Variants in KIF5B observed in about 807,000 individuals in gnomAD.
KIF5B encodes kinesin-1 heavy chain.
A neutral mutation model predicts 132.8 loss-of-function variants in KIF5B; 49 were observed. The ratio of observed to expected loss-of-function variants is 0.37; its 90% CI spans 0.29 to 0.47. KIF5B has a LOEUF of 0.47. KIF5B is among the 20% of genes least tolerant of loss of function. The pLI is 1.00. For synonymous variants in KIF5B, 355 were observed against 369.4 expected (o/e 0.96, Z 0.45); for missense variants, 780 against 1,144.0 (o/e 0.68, Z 4.59).
intron 19 of KIF5B, 73 bp from the exon 20 acceptor site, chr10:32,020,032 A>C: frequency 9.7e-7 from 1 of 1,027,446 alleles, no homozygotes; most frequent in Non-Finnish European, 1.5e-6. Context: ...AAAATTTCCA[A>C]ACTTTTAAAT....
chr10:32,056,398 A>G lies in KIF5B; in HGVS notation c.-425T>C, dbSNP rs1841765921. ...CCGCTGGCCGGCCGACTGCTGCCCG[A>G]TCACTCCTGAGGCCGCCGTTGGGCG... On this transcript the variant is annotated 5_prime_UTR_variant, in exon 1 of 26. Transcript: ENST00000302418. 4.6e-6 allele frequency: 1 copy of G among 219,750 alleles called. No homozygotes were observed. The highest frequency in any genetic ancestry group is 5.2e-5 in the South Asian group (1 of 19,258). The allele number at this position is 219,750 out of a possible 1,614,324, so 13.6% of individuals were successfully genotyped here. A position where few individuals can be genotyped will look rare whatever the true frequency, so the allele number is the denominator to read the frequency against.
Position 32,011,308 on chromosome 10 carries a change from T to C in KIF5B, c.*229A>G, listed in dbSNP as rs1841076637. 1 of 152,580 alleles carries C rather than the reference T, an allele frequency of 6.6e-6. No homozygotes were observed. Among genetic ancestry groups the C allele is most frequent in the South Asian group, 2.1e-4 (1 of 4,828 alleles). 9.5% of individuals were successfully genotyped at this position (152,580 alleles called of 1,614,324 possible). A position where few individuals can be genotyped will look rare whatever the true frequency, so the allele number is the denominator to read the frequency against. On this transcript the variant is annotated 3_prime_UTR_variant, in exon 26 of 26. Transcript: ENST00000302418. Reference sequence around the variant, plus strand: ...ACAGTTGTAAACTGTCCTTTTTCCCTCCTAAGATGCCAAAATTGCACTCTA... The same window carrying C: ...ACAGTTGTAAACTGTCCTTTTTCCCCCCTAAGATGCCAAAATTGCACTCTA...
At position 32,034,829 on chromosome 10, in the gene KIF5B, T is replaced by A. The variant is rs35938443; in HGVS notation, c.972A>T (p.Thr324=). Residue 324 remains threonine (T), a synonymous_variant, in exon 11 of 26, where the codon ACA becomes ACT. Transcript: ENST00000302418. ...STLLFGQRAK[T]IKNTVCVNVE... ...CATTGACACAAACTGTGTTCTTAATTGTTTTGGCCCTAAGAGATGTAATTG... is the reference window on the plus strand; with the variant it reads ...CATTGACACAAACTGTGTTCTTAATAGTTTTGGCCCTAAGAGATGTAATTG... 3,765 of 1,588,920 alleles carry A rather than the reference T, an allele frequency of 2.4e-3. 73 individuals are homozygous for A. In the African/African-American group the frequency reaches 0.042, roughly 18 times the overall value.
intron 25 of KIF5B, 87 bp downstream of exon 25, chr10:32,015,421 TA>T: frequency 1.0e-6 from 1 of 963,594 alleles, no homozygotes; most frequent in Non-Finnish European, 1.5e-6. Flanking sequence ...ATCATAACAC[TA>T]ATGTGAGAAT....
At chr10:32,017,825 A>G (rs1164853824) in intron 23 of KIF5B, among the ~76,000 whole-genome samples, 9 of 152,224 alleles carry the variant, frequency 5.9e-5, no homozygotes, top group Non-Finnish European at 1.2e-4. Context: ...TTAAAATCCT[A>G]AAGGGAAAAT....
chr10:32,011,687 A>T (rs1485352622), intron 25 of KIF5B, among the ~76,000 whole-genome samples, 171 bp from the exon 26 acceptor site: 1 of 152,186 alleles, frequency 6.6e-6, no homozygotes, highest in African/African-American at 2.4e-5. Flanking sequence ...ATATTAAATG[A>T]TTTGGTTTCC....
chr10:32,015,463 C>T, intron 25 of KIF5B, 46 bp downstream of exon 25: 1 of 1,407,232 alleles, frequency 7.1e-7, no homozygotes, highest in Non-Finnish European at 9.5e-7. Flanking sequence ...ATTTAACAAC[C>T]AATTTTCCAC....
intron 25 of KIF5B, among the ~76,000 whole-genome samples, chr10:32,014,039 C>G (rs1191591525): frequency 6.6e-6 from 1 of 152,108 alleles, no homozygotes; most frequent in Non-Finnish European, 1.5e-5. Flanking sequence ...TAGTATTTGT[C>G]AGAAACAGCT....
chr10:32,018,708 T>C (rs1841214120), intron 20 of KIF5B, 146 bp from the exon 21 acceptor site: 1 of 650,434 alleles, frequency 1.5e-6, no homozygotes, highest in Non-Finnish European at 2.5e-6. Context: ...ACAATTTACC[T>C]GTGCTGTCTT....
intron 3 of KIF5B, 47 bp from the exon 4 acceptor site, chr10:32,039,478 G>T: frequency 3.5e-6 from 3 of 867,458 alleles, no homozygotes; most frequent in Non-Finnish European, 5.5e-6. Context: ...TATAAAATAT[G>T]AAGTAAAAAC....
At position 32,019,964 on chromosome 10, in the gene KIF5B, C is replaced by A. The variant is rs372917957; in HGVS notation, c.2205-5G>T. On this transcript the variant is annotated splice_polypyrimidine_tract_variant and splice_region_variant and intron_variant, in intron 19 of 25. Coordinates refer to ENST00000302418, the MANE Select transcript of KIF5B (RefSeq NM_004521.3). ...AACATCATTTTCTGGTTTTGGCTGACGAAAGAAAAAAATAATTAACACAGT... is the reference window on the plus strand; with the variant it reads ...AACATCATTTTCTGGTTTTGGCTGAAGAAAGAAAAAAATAATTAACACAGT... The A allele has an allele frequency of 3.8e-6, 6 of 1,576,140 alleles. No homozygotes were observed. Among genetic ancestry groups the A allele is most frequent in the Admixed American group, 3.8e-5 (2 of 53,162 alleles).
chr10:32,042,030 C>T (rs1006126054), intron 2 of KIF5B, among the ~76,000 whole-genome samples: 2 of 152,108 alleles, frequency 1.3e-5, no homozygotes, highest in South Asian at 2.1e-4. Flanking sequence ...TTCTGGCTTT[C>T]GAGGATTTTG....
At chr10:32,054,615 A>G (rs1243015941) in intron 1 of KIF5B, among the ~76,000 whole-genome samples, 2 of 152,218 alleles carry the variant, frequency 1.3e-5, no homozygotes, top group African/African-American at 2.4e-5. Context: ...GCCCCAATAC[A>G]GTATTAACTA....
Position 32,010,228 on chromosome 10 carries a change from T to C in KIF5B, c.*1309A>G, listed in dbSNP as rs980391861. On this transcript the variant is annotated 3_prime_UTR_variant, in exon 26 of 26. Transcript: ENST00000302418. Reference sequence around the variant, plus strand: ...GCCCCCCTACCACTGATGAAGCAAATAGTGAAATCTCTTTCCCTATTACTT... The same window carrying C: ...GCCCCCCTACCACTGATGAAGCAAACAGTGAAATCTCTTTCCCTATTACTT... 6.6e-5 allele frequency: 10 copies of C among 152,068 alleles called. No homozygotes were observed. Among genetic ancestry groups the C allele is most frequent in the Non-Finnish European group, 1.5e-4 (10 of 67,996 alleles). The allele number at this position is 152,068 out of a possible 1,614,324, so 9.4% of individuals were successfully genotyped here. A position where few individuals can be genotyped will look rare whatever the true frequency, so the allele number is the denominator to read the frequency against.
intron 2 of KIF5B, among the ~76,000 whole-genome samples, chr10:32,047,633 C>A (rs1841630405): frequency 6.6e-6 from 1 of 152,162 alleles, no homozygotes; most frequent in Admixed American, 6.5e-5. Flanking sequence ...CCCTCCCTCA[C>A]CTCATCTATA....
intron 17 of KIF5B, 77 bp downstream of exon 17, chr10:32,022,063 A>G (rs982038969): frequency 4.3e-6 from 3 of 701,630 alleles, no homozygotes; most frequent in East Asian, 5.2e-5. Context: ...TATTTCTTTC[A>G]GTGTGAATAT....
At chr10:32,024,022 T>A (rs1841299082) in intron 15 of KIF5B, among the ~76,000 whole-genome samples, 1 of 140,422 alleles carries the variant, frequency 7.1e-6, no homozygotes, top group Non-Finnish European at 1.5e-5. Flanking sequence ...AAATTAAAAA[T>A]TTTTAGTCTC....
At position 32,056,021 on chromosome 10, in the gene KIF5B, A is replaced by C; in HGVS notation, c.-48T>G. ...GGCCGGGAGCCACTCCCCGCCGCTC[A>C]GTCTTGCAGGGAACGCGCCGGACCT... is the stretch of plus-strand genomic sequence containing the variant. On this transcript the variant is annotated 5_prime_UTR_variant, in exon 1 of 26. Transcript: ENST00000302418. 2 of 1,595,788 alleles carry C rather than the reference A, an allele frequency of 1.3e-6. No homozygotes were observed. The highest frequency in any genetic ancestry group is 4.5e-5 in the East Asian group (2 of 44,572).
Position 32,028,318 on chromosome 10 carries a change from TTG to T in KIF5B, c.1725+108_1725+109del, listed in dbSNP as rs1377822387. ...TTAATAACATCTACTACACGACTGT[TTG>T]TGAGGATGAGATCATGAATACGAAA... is the stretch of plus-strand genomic sequence containing the variant. On this transcript the variant is annotated intron_variant, in intron 15 of 25. Transcript: ENST00000302418. 1.5e-5 allele frequency: 13 copies of T among 859,818 alleles called. No homozygotes were observed. The African/African-American group carries it at 2.0e-4, about 13-fold the overall frequency. The allele number at this position is 859,818 out of a possible 1,614,324, so 53.3% of individuals were successfully genotyped here. A position where few individuals can be genotyped will look rare whatever the true frequency, so the allele number is the denominator to read the frequency against.
Sources: gnomAD v4.1 joint callset for allele counts (sites outside exome capture counted in the v4.1 genomes callset) on GRCh38, gnomAD v4.1.1 for gene constraint, MANE v1.5 for transcripts, NCBI Gene and HGNC (gene_info 2026-07-23, HGNC 2026-07-21) for gene names.